Variants in DNM2 observed in about 807,000 individuals in gnomAD.
DNM2 encodes the protein dynamin-2.
Under a neutral mutation model 99.0 loss-of-function variants are expected in DNM2, and 15 were observed. The ratio of observed to expected loss-of-function variants is 0.15; its 90% CI spans 0.10 to 0.23. The LOEUF (loss-of-function observed/expected upper bound fraction) is 0.23. DNM2 is among the 10% of genes least tolerant of loss of function. DNM2 has a pLI of 1.00. For missense variants in DNM2, 742 were observed against 1,189.4 expected, an observed-to-expected ratio of 0.62 and a Z score of 5.53; for synonymous variants, 525 against 481.2, an observed-to-expected ratio of 1.09 and a Z score of -1.19.
At chr19:10,729,837 A>T (rs575938138) in intron 1 of DNM2, among the ~76,000 whole-genome samples, 7 of 151,978 alleles carry the variant, frequency 4.6e-5, no homozygotes. Context: ...TGGTACCTAT[A>T]GAGAATACGT....
chr19:10,758,375 TTCCCTCCC>T (rs1230116646), intron 1 of DNM2, among the ~76,000 whole-genome samples: 20 of 121,174 alleles, frequency 1.7e-4, no homozygotes, highest in African/African-American at 1.9e-4. Context: ...CCCTCCCTCC[TTCCCTCCC>T]TCCTTCCTTC....
intron 19 of DNM2, 108 bp downstream of exon 19, chr19:10,829,376 G>A (rs2073254477): frequency 7.2e-6 from 10 of 1,389,564 alleles, no homozygotes; most frequent in Admixed American, 3.8e-5. Flanking sequence ...CCCAAGGGTG[G>A]CACCCAGGGC....
In DNM2 at chr19:10,797,486, C is replaced by T; in HGVS notation, c.1303C>T (p.Leu435=). Reference sequence around the variant, plus strand: ...GTGTGTTGATCTCGTGGTCTCAGAGCTGGCCACGGTCATAAAAAAGTGTGC... The same window carrying T: ...GTGTGTTGATCTCGTGGTCTCAGAGTTGGCCACGGTCATAAAAAAGTGTGC... ...LKCVDLVVSE[L]ATVIKKCAEK... Residue 435 remains leucine, a synonymous_variant, in exon 10 of 21, where the codon CTG becomes TTG. Coordinates refer to ENST00000389253, the MANE Select transcript of DNM2 (RefSeq NM_001005361.3). 6.7e-7 allele frequency: 1 copy of T among 1,502,442 alleles called. No homozygotes were observed. The highest frequency in any genetic ancestry group is 8.9e-7 in the Non-Finnish European group (1 of 1,124,940). The allele number at this position is 1,502,442 out of a possible 1,614,324, so 93.1% of individuals were successfully genotyped here.
In DNM2 at chr19:10,831,668, CCT is replaced by C; in HGVS notation, c.*625_*626del. On this transcript the variant is annotated 3_prime_UTR_variant, in exon 21 of 21. Coordinates refer to ENST00000389253, the MANE Select transcript of DNM2 (RefSeq NM_001005361.3). This position sits in a 1 kb window ranked among gnomAD's most constrained non-coding sequence, Gnocchi z 4.3. ...TGGCCCGGGCCGGCCTTGCCCTATT[CCT>C]CTCCTCCTCCTCCTCCTGGGTCCCC... The C allele has an allele frequency of 1.0e-6, 1 of 986,288 alleles. No homozygotes were observed. Among genetic ancestry groups the C allele is most frequent in the Non-Finnish European group, 1.2e-6 (1 of 830,314 alleles). The allele number at this position is 986,288 out of a possible 1,614,324, so 61.1% of individuals were successfully genotyped here. A position where few individuals can be genotyped will look rare whatever the true frequency, so the allele number is the denominator to read the frequency against.
In DNM2 at chr19:10,775,789, G is replaced by A; in HGVS notation, c.472G>A (p.Asp158Asn). ...QPPDIEYQIKDMILQFISRES... is the reference protein window; with the variant it reads ...QPPDIEYQIKNMILQFISRES... ...TCCAGACATCGAGTACCAGATCAAGGACATGATCCTGCAGTTCATCAGCCG... is the reference window on the plus strand; with the variant it reads ...TCCAGACATCGAGTACCAGATCAAGAACATGATCCTGCAGTTCATCAGCCG... Residue 158 changes from aspartate to asparagine, a missense_variant, in exon 4 of 21, where the codon GAC (aspartate) becomes AAC (asparagine). Physicochemically the swap from Asp to Asn is conservative, Grantham distance 23. Coordinates refer to ENST00000389253, the MANE Select transcript of DNM2 (RefSeq NM_001005361.3). This position sits in a 1 kb window ranked among gnomAD's most constrained non-coding sequence, Gnocchi z 4.3. 1 of 1,614,158 alleles carries A rather than the reference G, an allele frequency of 6.2e-7. No individual in the cohort carries two copies. The highest frequency in any genetic ancestry group is 8.5e-7 in the Non-Finnish European group (1 of 1,180,044).
At chr19:10,827,501 C>T (rs1190789416) in intron 18 of DNM2, among the ~76,000 whole-genome samples, 3 of 151,328 alleles carry the variant, frequency 2.0e-5, no homozygotes, top group Non-Finnish European at 4.4e-5. Flanking sequence ...CCCAGGAGAT[C>T]GAGGCTGCGG....
intron 1 of DNM2, among the ~76,000 whole-genome samples, chr19:10,730,622 T>A (rs1000063359): frequency 2.0e-5 from 3 of 152,146 alleles, no homozygotes; most frequent in African/African-American, 7.2e-5. Flanking sequence ...AGCAAGGACA[T>A]CTTCCTTTGG....
chr19:10,791,348 G>C (rs1402690763), intron 7 of DNM2, among the ~76,000 whole-genome samples: 5 of 152,014 alleles, frequency 3.3e-5, no homozygotes. Flanking sequence ...TCAGCTTCCC[G>C]AAGTGATGGG....
At chr19:10,736,001 G>T (rs528074988) in intron 1 of DNM2, among the ~76,000 whole-genome samples, 1 of 152,260 alleles carries the variant, frequency 6.6e-6, no homozygotes, top group Non-Finnish European at 1.5e-5. Context: ...TGGGCACAGT[G>T]GCTGACGCCT....
rs1356494781 is a variant in DNM2, at chr19:10,831,116, G to A, written c.*69G>A. The A allele has an allele frequency of 1.7e-5, 25 of 1,512,068 alleles. No individual in the cohort carries two copies. The South Asian group carries it at 2.5e-4, about 15-fold the overall frequency. The allele number at this position is 1,512,068 out of a possible 1,614,324, so 93.7% of individuals were successfully genotyped here. A position where few individuals can be genotyped will look rare whatever the true frequency, so the allele number is the denominator to read the frequency against. On this transcript the variant is annotated 3_prime_UTR_variant, in exon 21 of 21. Transcript: ENST00000389253. The surrounding 1 kb of genome is among the most constrained non-coding windows in gnomAD (Gnocchi z 4.3). ...GGCGCAGGAGCTTCAGTGGTCTGGG[G>A]CCCTCCGCCGCCCCTATGCTGGGAC...
At chr19:10,733,315 C>G (rs986909964) in intron 1 of DNM2, among the ~76,000 whole-genome samples, 3 of 151,648 alleles carry the variant, frequency 2.0e-5, no homozygotes, top group African/African-American at 7.3e-5. Context: ...CCACAGCCTC[C>G]CAACTAGCTG....
intron 16 of DNM2, among the ~76,000 whole-genome samples, chr19:10,821,731 A>ATAT (rs1237432490): frequency 6.6e-5 from 10 of 152,194 alleles, no homozygotes; most frequent in Non-Finnish European, 1.0e-4. Context: ...GGGTTTCTCC[A>ATAT]TATTGGTCAG....
At position 10,728,968 on chromosome 19, in the gene DNM2, G is replaced by A. The variant is rs184014895; in HGVS notation, c.161+10565G>A. 3.2e-4 allele frequency among the ~76,000 whole-genome samples: 48 copies of A among 149,360 alleles called. No homozygotes were observed. The East Asian group carries it at 3.4e-3, about 10-fold the overall frequency. On this transcript the variant is annotated intron_variant, in intron 1 of 20. Transcript: ENST00000389253. Reference sequence around the variant, plus strand: ...TCAAAAAAAAAAAAAGGCTGTATGCGGTGGTTCACGCCTGTAATCCCAACA... The same window carrying A: ...TCAAAAAAAAAAAAAGGCTGTATGCAGTGGTTCACGCCTGTAATCCCAACA...
chr19:10,802,427 G>C, intron 12 of DNM2, 69 bp downstream of exon 12: 1 of 1,556,706 alleles, frequency 6.4e-7, no homozygotes, highest in Non-Finnish European at 8.9e-7. Context: ...GGAGGTGACT[G>C]AGTTGGGATT....
chr19:10,739,846 ACT>A (rs150921030), intron 1 of DNM2, among the ~76,000 whole-genome samples: 1,334 of 120,296 alleles, frequency 0.011, 41 homozygotes, highest in East Asian at 0.032. Flanking sequence ...ACAGAGCAAG[ACT>A]CTCTCTCTCT....
At chr19:10,762,380 T>A (rs2070663113) in intron 2 of DNM2, among the ~76,000 whole-genome samples, 1 of 152,112 alleles carries the variant, frequency 6.6e-6, no homozygotes. Context: ...GCTGCCAGTC[T>A]CTGGCCACAC....
chr19:10,817,696 G>GGGGAGGCGGAGC lies in DNM2; in HGVS notation c.1672-2283_1672-2272dup, dbSNP rs1455491861. On this transcript the variant is annotated intron_variant, in intron 15 of 20. Coordinates refer to ENST00000389253, the MANE Select transcript of DNM2 (RefSeq NM_001005361.3). This position sits in a 1 kb window ranked among gnomAD's most constrained non-coding sequence, Gnocchi z 4.6. ...GGTTTTCAGGAAATCCTAAAGAGTG[G>GGGGAGGCGGAGC]GGGAGGCGGAGCAGGAGGCAGGGTT... Among the ~76,000 whole-genome samples the GGGGAGGCGGAGC allele has an allele frequency of 6.6e-6, 1 of 150,650 alleles. No individual in the cohort carries two copies.
At chr19:10,823,929 A>AGAGCCCCC in intron 17 of DNM2, 30 bp downstream of exon 17, 1 of 1,605,144 alleles carries the variant, frequency 6.2e-7, no homozygotes. Flanking sequence ...AGCCAGGCCC[A>AGAGCCCCC]GAGCCCCCAC....
chr19:10,730,384 G>A (rs1459220747), intron 1 of DNM2, among the ~76,000 whole-genome samples: 7 of 152,140 alleles, frequency 4.6e-5, no homozygotes, highest in African/African-American at 1.7e-4. Flanking sequence ...CCCGAGGTGC[G>A]AGGATCCCTT....
Sources: allele counts gnomAD v4.1 joint callset (sites outside exome capture counted in the v4.1 genomes callset), GRCh38; gene constraint gnomAD v4.1.1; non-coding constraint Gnocchi (gnomAD v3.1); transcripts MANE v1.5; gene names NCBI Gene and HGNC (gene_info 2026-07-23, HGNC 2026-07-21).